Variants in ABCC2 observed in about 807,000 individuals in gnomAD.
ABCC2 encodes ATP binding cassette subfamily C member 2.
ABCC2 carries 157 observed loss-of-function variants against 173.4 expected under a neutral mutation model. The ratio of observed to expected loss-of-function variants is 0.91; its 90% CI spans 0.80 to 1.03. The LOEUF (loss-of-function observed/expected upper bound fraction) is 1.03, where lower values mean the gene tolerates loss of function less well. Ranked by LOEUF, ABCC2 falls within the 50% of genes least tolerant of loss-of-function variation. The pLI, the probability that ABCC2 is intolerant of heterozygous loss-of-function variation, is 0.00. For missense variants in ABCC2, 1,822 were observed against 1,852.3 expected, an observed-to-expected ratio of 0.98 and a Z score of 0.30; for synonymous variants, 657 against 693.5, an observed-to-expected ratio of 0.95 and a Z score of 0.83.
In ABCC2 at chr10:99,831,598, G is replaced by A. The variant is rs908900950; in HGVS notation, c.2884-13G>A. 7.4e-6 allele frequency: 12 copies of A among 1,611,242 alleles called. No homozygotes were observed. The highest frequency in any genetic ancestry group is 1.0e-5 in the Non-Finnish European group (12 of 1,177,446). ...TAGGGAGTTCTACTAATATTGAGGT[G>A]GGGACTTTGCAGGTGAAGTTCTCCA... On this transcript the variant is annotated splice_polypyrimidine_tract_variant and intron_variant, in intron 21 of 31. Transcript: ENST00000647814.
chr10:99,814,434 T>TATATAC (rs1564684931), intron 16 of ABCC2, among the ~76,000 whole-genome samples: 1 of 123,530 alleles, frequency 8.1e-6, no homozygotes, highest in Admixed American at 7.8e-5. Flanking sequence ...CATATATGTG[T>TATATAC]ATACACACAT....
rs1244237465 is a variant in ABCC2, at chr10:99,841,984, T to C, written c.3632T>C (p.Leu1211Pro). 9 of 1,614,096 alleles carry C rather than the reference T, an allele frequency of 5.6e-6. No individual in the cohort carries two copies. The highest frequency in any genetic ancestry group is 7.6e-6 in the Non-Finnish European group (9 of 1,180,020). Residue 1211 changes from leucine to proline, a missense_variant, in exon 26 of 32, where the codon CTG (leucine) becomes CCG (proline). Leu to Pro is a moderately conservative substitution (Grantham distance 98, BLOSUM62 -3). Coordinates refer to ENST00000647814, the MANE Select transcript of ABCC2 (RefSeq NM_000392.5). ...CCCCACAGGTGGCTTGCAATTCGCC[T>C]GGAGCTGGTTGGGAACCTGACTGTC... ...ITSNRWLAIR[L>P]ELVGNLTVFF...
rs985299786 is a variant in ABCC2, at chr10:99,834,650, C to T, written c.3414+115C>T. 1.5e-5 allele frequency: 19 copies of T among 1,296,078 alleles called. No homozygotes were observed. In the East Asian group the frequency reaches 2.8e-4, roughly 19 times the overall value. 80.3% of individuals were successfully genotyped at this position (1,296,078 alleles called of 1,614,324 possible). On this transcript the variant is annotated intron_variant, in intron 24 of 31. Transcript: ENST00000647814. ...GCTAGTCACTCACTCCTCCCCTCAG[C>T]AGCTTTGCCATTTAGTCATATGTTG...
chr10:99,796,394 C>T (rs1182009509), intron 6 of ABCC2, among the ~76,000 whole-genome samples: 2 of 152,104 alleles, frequency 1.3e-5, no homozygotes, highest in East Asian at 1.9e-4. Context: ...ATTCCAGCTA[C>T]TTGGGAGGCT....
chr10:99,846,075 T>A (rs575188232), intron 29 of ABCC2, among the ~76,000 whole-genome samples: 3 of 152,340 alleles, frequency 2.0e-5, no homozygotes, highest in Non-Finnish European at 4.4e-5. Context: ...TTTGCAAGAC[T>A]TTTGCAATCA....
Position 99,830,830 on chromosome 10 carries a change from G to A in ABCC2, c.2862G>A (p.Lys954=), listed in dbSNP as rs749663056. ...ELVKGQKLIK[K]EFIETGKVKF... ...TGAAAGGACAAAAACTAATTAAGAA[G>A]GAATTCATAGAAACTGGAAAGGTGA... Residue 954 remains lysine (K), a synonymous_variant, in exon 21 of 32, where the codon AAG becomes AAA. Transcript: ENST00000647814. The A allele has an allele frequency of 6.2e-7, 1 of 1,613,882 alleles. No homozygotes were observed. The highest frequency in any genetic ancestry group is 1.7e-5 in the Admixed American group (1 of 60,006).
chr10:99,836,176 T>C lies in ABCC2; in HGVS notation c.3500T>C (p.Val1167Ala), dbSNP rs140680467. ...ATCTACTCTCACTTCAGCGAGACCGTATCAGGTTTGCCAGTTATCCGTGCC... is the reference window on the plus strand; with the variant it reads ...ATCTACTCTCACTTCAGCGAGACCGCATCAGGTTTGCCAGTTATCCGTGCC... ...SPIYSHFSET[V>A]SGLPVIRAFE... The change falls in exon 25 of 32, where the codon GTA (valine) becomes GCA (alanine). Residue 1167 changes from valine to alanine, a missense_variant. Transcript: ENST00000647814. 7.6e-4 allele frequency: 1,220 copies of C among 1,614,190 alleles called. 9 individuals carry two copies. In the Middle Eastern group the frequency reaches 0.01, roughly 14 times the overall value.
At chr10:99,834,601 T>C in intron 24 of ABCC2, 66 bp downstream of exon 24, 5 of 1,554,168 alleles carry the variant, frequency 3.2e-6, no homozygotes, top group East Asian at 2.2e-5. Flanking sequence ...GCCTCTTTCC[T>C]GAGAATCTTC....
At chr10:99,808,868 T>C (rs979892192) in intron 13 of ABCC2, among the ~76,000 whole-genome samples, 1 of 152,162 alleles carries the variant, frequency 6.6e-6, no homozygotes, top group Non-Finnish European at 1.5e-5. Flanking sequence ...CCTAAGTGTC[T>C]GGCTTCAGAG....
intron 16 of ABCC2, among the ~76,000 whole-genome samples, chr10:99,815,415 C>G (rs1408759947): frequency 6.6e-6 from 1 of 152,062 alleles, no homozygotes; most frequent in Non-Finnish European, 1.5e-5. Flanking sequence ...AGGCTGGTCT[C>G]AAACTCCTGG....
intron 13 of ABCC2, among the ~76,000 whole-genome samples, chr10:99,809,004 C>A (rs1257169868): frequency 6.6e-6 from 1 of 152,180 alleles, no homozygotes. Context: ...ATAGCAAAAG[C>A]AAGATCAGCA....
At chr10:99,823,175 C>T (rs1482383363) in intron 19 of ABCC2, among the ~76,000 whole-genome samples, 2 of 152,178 alleles carry the variant, frequency 1.3e-5, no homozygotes, top group Non-Finnish European at 2.9e-5. Context: ...AGACTTGACA[C>T]TGGGTGCAAT....
intron 23 of ABCC2, 102 bp downstream of exon 23, chr10:99,832,233 GTTCTT>G: frequency 6.9e-7 from 1 of 1,459,544 alleles, no homozygotes; most frequent in Non-Finnish European, 9.5e-7. Context: ...TTCAGTTCCA[GTTCTT>G]TTGTCACTCA....
Position 99,782,664 on chromosome 10 carries a change from A to G in ABCC2, c.-181A>G, listed in dbSNP as rs2037635181. On this transcript the variant is annotated 5_prime_UTR_variant, in exon 1 of 32. Coordinates refer to ENST00000647814, the MANE Select transcript of ABCC2 (RefSeq NM_000392.5). ...TAGTCACATGTCCATCCACTGTTTCAATGTAACATGCATCTAGGCAAGGTT... is the reference window on the plus strand; with the variant it reads ...TAGTCACATGTCCATCCACTGTTTCGATGTAACATGCATCTAGGCAAGGTT... 1.4e-6 allele frequency: 1 copy of G among 694,454 alleles called. No individual in the cohort carries two copies. 43.0% of individuals were successfully genotyped at this position (694,454 alleles called of 1,614,324 possible). A position where few individuals can be genotyped will look rare whatever the true frequency, so the allele number is the denominator to read the frequency against.
In ABCC2 at chr10:99,830,550, CCTTT is replaced by C. The variant is rs1195401628; in HGVS notation, c.2747+118_2747+121del. 8.3e-6 allele frequency: 13 copies of C among 1,570,674 alleles called. No individual in the cohort carries two copies. In the African/African-American group the frequency reaches 1.2e-4, roughly 15 times the overall value. ...AACACCATGGACACTCCAAGCTCTTCCTTTGTTTCTTTGTTGTGGGGATGGGGAA... is the reference window on the plus strand; with the variant it reads ...AACACCATGGACACTCCAAGCTCTTCGTTTCTTTGTTGTGGGGATGGGGAA... On this transcript the variant is annotated intron_variant, in intron 20 of 31. Transcript: ENST00000647814.
chr10:99,834,178 G>C (rs773116478), intron 23 of ABCC2, among the ~76,000 whole-genome samples: 49 of 152,178 alleles, frequency 3.2e-4, no homozygotes, highest in African/African-American at 9.2e-4. Context: ...ACCACGCCAG[G>C]CCTAAATGAA....
At chr10:99,795,791 GAAAGAA>G (rs1564672486) in intron 6 of ABCC2, among the ~76,000 whole-genome samples, 10 of 133,866 alleles carry the variant, frequency 7.5e-5, no homozygotes, top group Admixed American at 4.5e-4. Flanking sequence ...AAGAAAGAAA[GAAAGAA>G]AGAAAGATTT....
At chr10:99,794,375 C>T (rs199880145) in intron 5 of ABCC2, 38 bp from the exon 6 acceptor site, 1 of 1,575,276 alleles carries the variant, frequency 6.3e-7, no homozygotes, top group Non-Finnish European at 8.7e-7. Flanking sequence ...GTTCCTGTCT[C>T]CAATTGGTTT....
chr10:99,817,434 C>G lies in ABCC2; in HGVS notation c.2221C>G (p.Pro741Ala), dbSNP rs1211198371. Residue 741 changes from proline (P) to alanine (A), a missense_variant, in exon 17 of 32, where the codon CCA becomes GCA. Coordinates refer to ENST00000647814, the MANE Select transcript of ABCC2 (RefSeq NM_000392.5). Reference sequence around the variant, plus strand: ...AGTACTGGAGGCCTGTGCTCTCCTCCCAGACTTGGAAATGCTGCCTGGAGG... The same window carrying G: ...AGTACTGGAGGCCTGTGCTCTCCTCGCAGACTTGGAAATGCTGCCTGGAGG... ...QQVLEACALL[P>A]DLEMLPGGDL... 1.9e-6 allele frequency: 3 copies of G among 1,614,120 alleles called. No homozygotes were observed. Among genetic ancestry groups the G allele is most frequent in the Non-Finnish European group, 2.5e-6 (3 of 1,180,022 alleles).
Sources: allele counts gnomAD v4.1 joint callset (sites outside exome capture counted in the v4.1 genomes callset), GRCh38; gene constraint gnomAD v4.1.1; transcripts MANE v1.5; gene names NCBI Gene and HGNC (gene_info 2026-07-23, HGNC 2026-07-21).